ATP1B1: variants seen among roughly 807,000 people sequenced by gnomAD.
ATP1B1 encodes ATPase Na+/K+ transporting subunit beta 1, also known as sodium/potassium-transporting ATPase subunit beta-1.
Under a neutral mutation model 39.6 loss-of-function variants are expected in ATP1B1, and 3 were observed. The ratio of observed to expected loss-of-function variants is 0.08; its 90% CI spans 0.03 to 0.20. ATP1B1 has a LOEUF of 0.20. Ranked by LOEUF, ATP1B1 falls within the 10% of genes least tolerant of loss-of-function variation. ATP1B1 has a pLI of 1.00. For missense variants in ATP1B1, 216 were observed against 371.1 expected (o/e 0.58, Z 3.43); for synonymous variants, 139 against 135.0 (o/e 1.03, Z -0.20).
At chr1:169,123,267 G>T (rs890462125) in intron 2 of ATP1B1, among the ~76,000 whole-genome samples, 2 of 152,010 alleles carry the variant, frequency 1.3e-5, no homozygotes, top group African/African-American at 4.8e-5. Context: ...AGATCTTTTC[G>T]TACTTATTAA....
chr1:169,120,584 T>G (rs1048343632), intron 2 of ATP1B1, among the ~76,000 whole-genome samples: 4 of 152,360 alleles, frequency 2.6e-5, no homozygotes, highest in African/African-American at 9.6e-5. Context: ...GACTCCGTGC[T>G]TAGCTGTCTT....
In ATP1B1 at chr1:169,111,374, G is replaced by A. The variant is rs781688188; in HGVS notation, c.102G>A (p.Lys34=). ...TTGTTTCTGTTCTTCTTGCAGTTAA[G>A]ATCCTTCTATTCTACGTAATATTTT... The part of the protein sequence containing the change: ...FLGRTGGSWF[K]ILLFYVIFYG... The change falls in exon 2 of 6, where the codon AAG becomes AAA. Residue 34 remains lysine, a synonymous_variant. Coordinates refer to ENST00000367815, the MANE Select transcript of ATP1B1 (RefSeq NM_001677.4). The A allele has an allele frequency of 5.6e-6, 9 of 1,614,108 alleles. No homozygotes were observed. Among genetic ancestry groups the A allele is most frequent in the Non-Finnish European group, 7.6e-6 (9 of 1,180,014 alleles).
chr1:169,125,183 TA>T (rs1557951721), intron 3 of ATP1B1, 144 bp downstream of exon 3: 5 of 1,125,460 alleles, frequency 4.4e-6, no homozygotes, highest in Admixed American at 5.3e-5. Flanking sequence ...ACACTTTTTT[TA>T]AAAAAAGCAG....
chr1:169,109,182 G>A (rs548258209), intron 1 of ATP1B1, among the ~76,000 whole-genome samples: 4 of 152,196 alleles, frequency 2.6e-5, no homozygotes, highest in African/African-American at 9.7e-5. Context: ...TTACAGCTAG[G>A]CCTGGATGCC....
At chr1:169,107,059 C>A in intron 1 of ATP1B1, 133 bp downstream of exon 1, 1 of 815,270 alleles carries the variant, frequency 1.2e-6, no homozygotes. Flanking sequence ...GTGGTGGACG[C>A]TGCTGGGTCG....
intron 2 of ATP1B1, among the ~76,000 whole-genome samples, chr1:169,116,899 C>T (rs916199223): frequency 2.6e-5 from 4 of 151,800 alleles, no homozygotes; most frequent in Admixed American, 6.6e-5. Flanking sequence ...CATTAGGGTT[C>T]GAGTCATTAT....
In ATP1B1 at chr1:169,131,324, G is replaced by A; in HGVS notation, c.681G>A (p.Val227=). ...RDEDKDKVGN[V]EYFGLGNSPG... is the part of the protein sequence containing the mutation. ...AAGATAAGGATAAAGTTGGAAATGT[G>A]GAGTATTTTGGACTGGGCAACTCCC... is the stretch of plus-strand genomic sequence containing the variant. The change falls in exon 6 of 6, where the codon GTG becomes GTA. Residue 227 remains valine, a synonymous_variant. Transcript: ENST00000367815. The surrounding 1 kb of genome is among the most constrained non-coding windows in gnomAD (Gnocchi z 4.4). 3.1e-6 allele frequency: 5 copies of A among 1,613,830 alleles called. No homozygotes were observed. Among genetic ancestry groups the A allele is most frequent in the Non-Finnish European group, 4.2e-6 (5 of 1,179,936 alleles).
chr1:169,106,741 C>A lies in ATP1B1; in HGVS notation c.-89C>A. The stretch of plus-strand genomic sequence containing the variant: ...GCGTCCTGCCTGCAGAGAGCCAGGC[C>A]GGAGAAGCCGAGCGGCGCAGAGGAC... On this transcript the variant is annotated 5_prime_UTR_variant, in exon 1 of 6. Coordinates refer to ENST00000367815, the MANE Select transcript of ATP1B1 (RefSeq NM_001677.4). The A allele has an allele frequency of 9.3e-7, 1 of 1,070,376 alleles. No homozygotes were observed. The highest frequency in any genetic ancestry group is 1.3e-6 in the Non-Finnish European group (1 of 768,962). 66.3% of individuals were successfully genotyped at this position (1,070,376 alleles called of 1,614,324 possible). A position where few individuals can be genotyped will look rare whatever the true frequency, so the allele number is the denominator to read the frequency against.
intron 2 of ATP1B1, among the ~76,000 whole-genome samples, chr1:169,119,606 C>A (rs927063710): frequency 6.6e-6 from 1 of 152,130 alleles, no homozygotes; most frequent in Non-Finnish European, 1.5e-5. Context: ...ATGAGAACTC[C>A]AGTCAGCAAG....
Position 169,131,125 on chromosome 1 carries a change from G to T in ATP1B1, c.649-167G>T, listed in dbSNP as rs374630037. Among the ~76,000 whole-genome samples, 2 of 152,186 alleles carry T rather than the reference G, an allele frequency of 1.3e-5. No homozygotes were observed. The highest frequency in any genetic ancestry group is 3.8e-4 in the East Asian group (2 of 5,200). The stretch of plus-strand genomic sequence containing the variant: ...CCCATCCATTTGCACATTGAGAATA[G>T]TCTCTTCTTATGACCATTTCTCAAG... On this transcript the variant is annotated intron_variant, in intron 5 of 5. Coordinates refer to ENST00000367815, the MANE Select transcript of ATP1B1 (RefSeq NM_001677.4). This position sits in a 1 kb window ranked among gnomAD's most constrained non-coding sequence, Gnocchi z 4.4.
At chr1:169,119,862 C>T (rs1657936815) in intron 2 of ATP1B1, among the ~76,000 whole-genome samples, 2 of 152,062 alleles carry the variant, frequency 1.3e-5, no homozygotes, top group African/African-American at 2.4e-5. Flanking sequence ...CCATTGCTTT[C>T]TATCTCTTCT....
chr1:169,124,201 T>C (rs952140424), intron 2 of ATP1B1, among the ~76,000 whole-genome samples: 10 of 152,194 alleles, frequency 6.6e-5, no homozygotes, highest in Middle Eastern at 3.4e-3. Context: ...TTTTAGAGAG[T>C]GCAAACCCAA....
At chr1:169,129,251 G>C (rs886118526) in intron 4 of ATP1B1, among the ~76,000 whole-genome samples, 4 of 152,176 alleles carry the variant, frequency 2.6e-5, no homozygotes, top group Non-Finnish European at 4.4e-5. Flanking sequence ...AGACTCACTT[G>C]CTGTGCTGAT....
intron 2 of ATP1B1, among the ~76,000 whole-genome samples, chr1:169,116,627 G>A (rs1011639000): frequency 1.3e-5 from 2 of 152,134 alleles, no homozygotes; most frequent in African/African-American, 4.8e-5. Flanking sequence ...GAGGCAGGCA[G>A]ATCACCCGAG....
intron 1 of ATP1B1, among the ~76,000 whole-genome samples, chr1:169,108,505 G>C (rs1297073644): frequency 6.6e-6 from 1 of 152,152 alleles, no homozygotes; most frequent in Non-Finnish European, 1.5e-5. Flanking sequence ...TGACCCTGCT[G>C]CGTCACAGGG....
At chr1:169,114,131 G>GGACCCTCCTTGGCATTTTTCAATGCCA (rs1657786790) in intron 2 of ATP1B1, among the ~76,000 whole-genome samples, 1 of 147,700 alleles carries the variant, frequency 6.8e-6, no homozygotes, top group African/African-American at 2.5e-5. Flanking sequence ...TGTGTTGCCT[G>GGACCCTCCTTGGCATTTTTCAATGCCA]AGGACCCTCC....
chr1:169,111,107 TA>T (rs1259598062), intron 1 of ATP1B1, among the ~76,000 whole-genome samples: 1 of 152,088 alleles, frequency 6.6e-6, no homozygotes, highest in African/African-American at 2.4e-5. Flanking sequence ...ATTTAGGGAA[TA>T]AAAAAATATA....
chr1:169,113,803 C>A (rs1326500935), intron 2 of ATP1B1, among the ~76,000 whole-genome samples: 1 of 152,196 alleles, frequency 6.6e-6, no homozygotes, highest in East Asian at 1.9e-4. Flanking sequence ...AAAATGCATT[C>A]CTGTCCTGTG....
intron 2 of ATP1B1, among the ~76,000 whole-genome samples, chr1:169,124,140 A>G (rs1557951264): frequency 6.6e-6 from 1 of 152,198 alleles, no homozygotes; most frequent in African/African-American, 2.4e-5. Context: ...ATACCCATCT[A>G]GGAAGTCTCA....
Sources: allele counts gnomAD v4.1 joint callset (sites outside exome capture counted in the v4.1 genomes callset), GRCh38; gene constraint gnomAD v4.1.1; non-coding constraint Gnocchi (gnomAD v3.1); transcripts MANE v1.5; gene names NCBI Gene and HGNC (gene_info 2026-07-23, HGNC 2026-07-21).